The following EIF2AK3 variants were observed in gnomAD, a reference collection of about 807,000 sequenced individuals.
EIF2AK3 encodes the protein eukaryotic translation initiation factor 2-alpha kinase 3.
Under a neutral mutation model 113.5 loss-of-function variants are expected in EIF2AK3, and 50 were observed. The ratio of observed to expected loss-of-function variants is 0.44; its 90% confidence interval spans 0.35 to 0.56. The LOEUF (loss-of-function observed/expected upper bound fraction) is 0.56. EIF2AK3 is among the 20% of genes least tolerant of loss of function. The pLI is 0.00. For synonymous variants in EIF2AK3, 448 were observed against 495.4 expected (o/e 0.90, Z 1.27); for missense variants, 1,185 against 1,378.0 (o/e 0.86, Z 2.22).
chr2:88,590,308 T>G, intron 6 of EIF2AK3, 135 bp downstream of exon 6: 1 of 899,784 alleles, frequency 1.1e-6, no homozygotes, highest in Non-Finnish European at 1.7e-6. Flanking sequence ...AGTATAAATC[T>G]CAAGGGCAAC....
intron 14 of EIF2AK3, among the ~76,000 whole-genome samples, chr2:88,566,489 A>G (rs1049400309): frequency 6.6e-6 from 1 of 151,642 alleles, no homozygotes; most frequent in African/African-American, 2.4e-5. Flanking sequence ...TTTTTACTTC[A>G]TTATTGACCT....
chr2:88,590,976 T>C lies in EIF2AK3; in HGVS notation c.844A>G (p.Thr282Ala). Residue 282 changes from threonine (T) to alanine (A), a missense_variant, in exon 5 of 17, where the codon ACC becomes GCC. Transcript: ENST00000303236. Reference sequence around the variant, plus strand: ...TCTGTGTTCTCATTGGGCTTAAAGGTGCTTTCAATAAATCCGGCTCTCGTT... The same window carrying C: ...TCTGTGTTCTCATTGGGCTTAAAGGCGCTTTCAATAAATCCGGCTCTCGTT... ...METRAGFIES[T>A]FKPNENTEES... 6.2e-7 allele frequency: 1 copy of C among 1,614,100 alleles called. No individual in the cohort carries two copies. Among genetic ancestry groups the C allele is most frequent in the African/African-American group, 1.3e-5 (1 of 75,062 alleles).
In EIF2AK3 at chr2:88,588,010, A is replaced by T; in HGVS notation, c.1401T>A (p.Gly467=). Residue 467 remains glycine, a synonymous_variant, in exon 8 of 17, where the codon GGT becomes GGA. Transcript: ENST00000303236. ...DKFSHEEYSN[G]ALSILQYPYD... ...ATGGATACTGCAAGATTGAAAGTGC[A>T]CCATTACTATATTCTTCATGAGAAA... 6.3e-7 allele frequency: 1 copy of T among 1,586,866 alleles called. No individual in the cohort carries two copies. Among genetic ancestry groups the T allele is most frequent in the Non-Finnish European group, 8.6e-7 (1 of 1,161,534 alleles).
chr2:88,588,826 A>T lies in EIF2AK3; in HGVS notation c.1241T>A (p.Leu414Ter). 1.2e-6 allele frequency: 2 copies of T among 1,613,868 alleles called. No homozygotes were observed. The highest frequency in any genetic ancestry group is 1.7e-6 in the Non-Finnish European group (2 of 1,179,858). ...SEKFPSSPKALESVTNENAII... is the reference protein window; with the variant it reads ...SEKFPSSPKA ...TGCGTTTTCATTAGTGACAGATTCC[A>T]AAGCCTTGGGACTTGAAGGAAACTT... The change falls in exon 7 of 17, where the codon TTG becomes TAG. Residue 414 changes from leucine to a stop codon, truncating the protein, a stop_gained. Transcript: ENST00000303236. LOFTEE classifies it high-confidence loss of function.
At chr2:88,569,170 T>C (rs1028153547) in intron 14 of EIF2AK3, among the ~76,000 whole-genome samples, 1 of 152,058 alleles carries the variant, frequency 6.6e-6, no homozygotes, top group African/African-American at 2.4e-5. Flanking sequence ...GGATTATAGG[T>C]GTGAGCCACT....
At chr2:88,561,028 T>A (rs1233487761) in intron 15 of EIF2AK3, among the ~76,000 whole-genome samples, 1 of 152,034 alleles carries the variant, frequency 6.6e-6, no homozygotes, top group Non-Finnish European at 1.5e-5. Flanking sequence ...AGAGACAGGG[T>A]CTTGCTGTGT....
intron 2 of EIF2AK3, among the ~76,000 whole-genome samples, chr2:88,612,094 G>A (rs527630295): frequency 5.3e-5 from 8 of 152,202 alleles, no homozygotes; most frequent in East Asian, 1.9e-4. Flanking sequence ...CTAATATAAC[G>A]GCTATGTGTA....
chr2:88,615,828 C>T (rs1675554141), intron 1 of EIF2AK3, among the ~76,000 whole-genome samples: 1 of 152,178 alleles, frequency 6.6e-6, no homozygotes, highest in African/African-American at 2.4e-5. Flanking sequence ...TCCTCTCCTT[C>T]TATGTTGAAC....
At chr2:88,588,209 C>A in intron 7 of EIF2AK3, 105 bp from the exon 8 acceptor site, 1 of 747,618 alleles carries the variant, frequency 1.3e-6, no homozygotes, top group South Asian at 2.4e-5. Context: ...GATATTCAAC[C>A]ATAATTCAAT....
Position 88,557,515 on chromosome 2 carries a change from A to G in EIF2AK3, c.*221T>C. On this transcript the variant is annotated 3_prime_UTR_variant, in exon 17 of 17. Transcript: ENST00000303236. The stretch of plus-strand genomic sequence containing the variant: ...CAGCAGCCAGTTTCAAGAGACTAAC[A>G]AAGAACAAAGATAGCCCTTTCCTTA... The G allele has an allele frequency of 1.7e-6, 1 of 582,484 alleles. No individual in the cohort carries two copies. The highest frequency in any genetic ancestry group is 2.9e-5 in the Admixed American group (1 of 34,364). The allele number at this position is 582,484 out of a possible 1,614,324, so 36.1% of individuals were successfully genotyped here. A position where few individuals can be genotyped will look rare whatever the true frequency, so the allele number is the denominator to read the frequency against.
intron 10 of EIF2AK3, among the ~76,000 whole-genome samples, chr2:88,582,221 G>A (rs1198832509): frequency 6.6e-6 from 1 of 152,184 alleles, no homozygotes; most frequent in Non-Finnish European, 1.5e-5. Flanking sequence ...GTGCTGGCTG[G>A]ATGACTAATC....
intron 1 of EIF2AK3, among the ~76,000 whole-genome samples, chr2:88,616,803 T>G (rs1349314480): frequency 6.6e-6 from 1 of 152,224 alleles, no homozygotes; most frequent in Non-Finnish European, 1.5e-5. Flanking sequence ...TTAAAGACCA[T>G]GCACACTGTA....
chr2:88,618,660 C>T (rs1675644613), intron 1 of EIF2AK3, among the ~76,000 whole-genome samples: 1 of 152,184 alleles, frequency 6.6e-6, no homozygotes, highest in Non-Finnish European at 1.5e-5. Context: ...TAGTCATTTC[C>T]ATAGAGAAAA....
chr2:88,579,150 T>C (rs1674535294), intron 11 of EIF2AK3, among the ~76,000 whole-genome samples: 1 of 152,206 alleles, frequency 6.6e-6, no homozygotes, highest in African/African-American at 2.4e-5. Flanking sequence ...AAAGTGTTAA[T>C]AGTTATTACC....
intron 10 of EIF2AK3, chr2:88,579,871 T>C (rs930741400): frequency 1.8e-5 from 8 of 435,836 alleles, no homozygotes; most frequent in African/African-American, 6.0e-5. Flanking sequence ...AAGACATGTT[T>C]AATTGGGAAT....
At chr2:88,604,811 T>G (rs923502630) in intron 2 of EIF2AK3, among the ~76,000 whole-genome samples, 14 of 152,222 alleles carry the variant, frequency 9.2e-5, no homozygotes, top group Admixed American at 7.9e-4. Context: ...GCAAGATGTC[T>G]TTGAGTAATT....
chr2:88,568,080 T>A (rs1674189760), intron 14 of EIF2AK3, among the ~76,000 whole-genome samples: 1 of 152,146 alleles, frequency 6.6e-6, no homozygotes, highest in Admixed American at 6.6e-5. Context: ...AAATAAAAAT[T>A]CACATTGCAA....
In EIF2AK3 at chr2:88,579,624, C is replaced by T. The variant is rs1674548653; in HGVS notation, c.1780G>A (p.Glu594Lys). The T allele has an allele frequency of 1.2e-6, 2 of 1,613,488 alleles. No homozygotes were observed. Among genetic ancestry groups the T allele is most frequent in the East Asian group, 4.5e-5 (2 of 44,788 alleles). Residue 594 changes from glutamate to lysine, a missense_variant, in exon 11 of 17, where the codon GAG (glutamate) becomes AAG (lysine). Around this residue, in one of 3 missense-constraint regions of EIF2AK3, gnomAD observed 877 missense variants for 1,024.2 expected, o/e 0.86. Coordinates refer to ENST00000303236, the MANE Select transcript of EIF2AK3 (RefSeq NM_004836.7). The stretch of plus-strand genomic sequence containing the variant: ...CCACGTCCCAGGCATTGAATTGGCT[C>T]AAAATCAGTTAGATATCTTTAAAAA... ...GYISRYLTDF[E>K]PIQCLGRGGF...
At chr2:88,577,659 G>A (rs905332493) in intron 11 of EIF2AK3, among the ~76,000 whole-genome samples, 30 of 152,094 alleles carry the variant, frequency 2.0e-4, no homozygotes, top group Non-Finnish European at 2.4e-4. Context: ...GATTACAAGC[G>A]TGAGCCACTG....
Sources: allele counts gnomAD v4.1 joint callset (sites outside exome capture counted in the v4.1 genomes callset), GRCh38; gene constraint gnomAD v4.1.1; regional missense constraint gnomAD v4.1.1; transcripts MANE v1.5; gene names NCBI Gene and HGNC (gene_info 2026-07-23, HGNC 2026-07-21).